PHF14: variants seen among roughly 807,000 people sequenced by gnomAD.
PHF14 encodes the protein PHD finger protein 14.
PHF14 carries 55 observed loss-of-function variants against 117.9 expected under a neutral mutation model. The ratio of observed to expected loss-of-function variants is 0.47; its 90% CI spans 0.38 to 0.58. The LOEUF (loss-of-function observed/expected upper bound fraction) is 0.58. Among genes scored for constraint, PHF14 ranks in the 20% least tolerant of loss-of-function variants. The probability of loss-of-function intolerance (pLI) is 0.00; values close to 1 mark genes in which losing one functional copy is unlikely to be tolerated. For missense variants in PHF14, 978 were observed against 1,122.2 expected (o/e 0.87, Z 1.84); for synonymous variants, 409 against 368.6 (o/e 1.11, Z -1.26).
chr7:10,975,310 GTTC>G (rs1300151752), intron 2 of PHF14, among the ~76,000 whole-genome samples: 1 of 152,162 alleles, frequency 6.6e-6, no homozygotes, highest in African/African-American at 2.4e-5. Flanking sequence ...CCTGAGCAGG[GTTC>G]TTCTTTTTTC....
intron 16 of PHF14, chr7:11,103,411 C>G (rs1027887104): frequency 2.4e-5 from 24 of 981,190 alleles, no homozygotes; most frequent in Non-Finnish European, 2.9e-5. Flanking sequence ...ATACAACCTA[C>G]CAGCTGAAAG....
rs191891087 is a variant in PHF14, at chr7:11,001,878, C to A, written c.1045+11031C>A. 2.6e-5 allele frequency among the ~76,000 whole-genome samples: 4 copies of A among 152,134 alleles called. No individual in the cohort carries two copies. In the East Asian group the frequency reaches 7.7e-4, roughly 29 times the overall value. ...TTGTTTCCCTTTCTTGTCTTATTACCTGATGTTGAAAGCAGTACTGACAGA... is the reference window on the plus strand; with the variant it reads ...TTGTTTCCCTTTCTTGTCTTATTACATGATGTTGAAAGCAGTACTGACAGA... On this transcript the variant is annotated intron_variant, in intron 4 of 17. Coordinates refer to ENST00000634607, the MANE Select transcript of PHF14 (RefSeq NM_001007157.2).
chr7:11,003,454 GAAAA>G (rs1583351372), intron 4 of PHF14, among the ~76,000 whole-genome samples: 1 of 151,990 alleles, frequency 6.6e-6, no homozygotes, highest in Admixed American at 6.6e-5. Context: ...TTGGAGATTT[GAAAA>G]ATCTTACTTT....
chr7:11,157,517 A>G (rs369384008), intron 17 of PHF14, among the ~76,000 whole-genome samples: 4 of 152,116 alleles, frequency 2.6e-5, no homozygotes, highest in African/African-American at 4.8e-5. Context: ...CTTTTTCCCT[A>G]TATAGTAGAC....
intron 16 of PHF14, among the ~76,000 whole-genome samples, chr7:11,074,488 G>C (rs534697583): frequency 1.1e-4 from 16 of 152,130 alleles, no homozygotes; most frequent in Non-Finnish European, 2.1e-4. Context: ...GGGATTACAG[G>C]CATGAGCCAC....
At position 11,130,072 on chromosome 7, in the gene PHF14, C is replaced by T. The variant is rs919444880; in HGVS notation, c.2772+18605C>T. Among the ~76,000 whole-genome samples the T allele has an allele frequency of 1.3e-5, 2 of 151,802 alleles. No individual in the cohort carries two copies. Among genetic ancestry groups the T allele is most frequent in the African/African-American group, 2.4e-5 (1 of 41,382 alleles). On this transcript the variant is annotated intron_variant, in intron 17 of 17. Transcript: ENST00000634607. This position sits in a 1 kb window ranked among gnomAD's most constrained non-coding sequence, Gnocchi z 4.2. The stretch of plus-strand genomic sequence containing the variant: ...TTCTCATTCATGTAACGTATCAGTA[C>T]AGGTTGACAGAGCAGCTCTGCTCAT...
intron 16 of PHF14, among the ~76,000 whole-genome samples, chr7:11,088,687 T>G (rs780568993): frequency 2.0e-5 from 3 of 152,164 alleles, no homozygotes; most frequent in Admixed American, 6.5e-5. Context: ...GAAATGCTAA[T>G]ATAAAAAGAC....
At chr7:11,090,593 T>C (rs1786605617) in intron 16 of PHF14, among the ~76,000 whole-genome samples, 1 of 152,248 alleles carries the variant, frequency 6.6e-6, no homozygotes, top group African/African-American at 2.4e-5. Flanking sequence ...GCACGTTGAC[T>C]GAAGATTTGA....
intron 3 of PHF14, among the ~76,000 whole-genome samples, chr7:10,987,558 ATT>A (rs1396729344): frequency 6.6e-6 from 1 of 152,154 alleles, no homozygotes; most frequent in African/African-American, 2.4e-5. Flanking sequence ...TGATTGATTT[ATT>A]CATATACTGT....
intron 4 of PHF14, among the ~76,000 whole-genome samples, chr7:10,992,644 C>T (rs111890152): frequency 0.015 from 2,312 of 152,068 alleles, 47 homozygotes; most frequent in African/African-American, 0.053. Flanking sequence ...GCCTGGGCGA[C>T]AGAGGAAGAC....
chr7:11,061,980 A>G lies in PHF14; in HGVS notation c.2549A>G (p.Glu850Gly), dbSNP rs1407002246. 2 of 1,598,882 alleles carry G rather than the reference A, an allele frequency of 1.3e-6. No homozygotes were observed. Among genetic ancestry groups the G allele is most frequent in the East Asian group, 2.2e-5 (1 of 44,514 alleles). Residue 850 changes from glutamate (E) to glycine (G), a missense_variant, in exon 16 of 18, where the codon GAG becomes GGG. Physicochemically the swap from Glu to Gly is moderately conservative, Grantham distance 98. Coordinates refer to ENST00000634607, the MANE Select transcript of PHF14 (RefSeq NM_001007157.2). ...GTATGGCAGGAAAGAGTTCCTAGAG[A>G]GAGAAGACAAAGACAGTCTGTGTTG... The part of the protein sequence containing the change: ...EEKHEERVPR[E>G]RRQRQSVLQK...
rs1477015817 is a variant in PHF14 at position 10,973,972 on chromosome 7, A to G, written c.-352A>G. ...TCTGGTCTTTCGTTGCTTCTGGTCC[A>G]GGCTAATAAAGTTTTTCTTTCTTTA... On this transcript the variant is annotated 5_prime_UTR_variant, in exon 1 of 18. Transcript: ENST00000634607. 8.4e-6 allele frequency: 2 copies of G among 239,286 alleles called. No individual in the cohort carries two copies. The highest frequency in any genetic ancestry group is 1.7e-5 in the Non-Finnish European group (2 of 120,164). The allele number at this position is 239,286 out of a possible 1,614,324, so 14.8% of individuals were successfully genotyped here. A position where few individuals can be genotyped will look rare whatever the true frequency, so the allele number is the denominator to read the frequency against.
At chr7:11,024,389 T>A (rs1003387658) in intron 6 of PHF14, among the ~76,000 whole-genome samples, 8 of 152,182 alleles carry the variant, frequency 5.3e-5, no homozygotes, top group Non-Finnish European at 1.0e-4. Flanking sequence ...ATGATGAAGA[T>A]TTGTACATTC....
At chr7:11,047,285 G>A (rs1583409061) in intron 13 of PHF14, among the ~76,000 whole-genome samples, 2 of 151,856 alleles carry the variant, frequency 1.3e-5, no homozygotes, top group African/African-American at 2.4e-5. Flanking sequence ...AGCCAGAATG[G>A]TCTCGATCTC....
At chr7:11,074,380 T>A (rs923415343) in intron 16 of PHF14, among the ~76,000 whole-genome samples, 21 of 151,970 alleles carry the variant, frequency 1.4e-4, no homozygotes, top group African/African-American at 4.6e-4. Flanking sequence ...CCAGCTAATT[T>A]TTTGTATTTT....
At chr7:11,004,246 CAAAAAAAAAAAAAA>C (rs55917513) in intron 4 of PHF14, among the ~76,000 whole-genome samples, 2 of 51,264 alleles carry the variant, frequency 3.9e-5, no homozygotes, top group African/African-American at 7.2e-5. Context: ...GACTTTGTCT[CAAAAAAAAAAAAAA>C]AAAAAAAAAG....
intron 16 of PHF14, among the ~76,000 whole-genome samples, chr7:11,071,909 T>C (rs1020592937): frequency 6.6e-6 from 1 of 152,218 alleles, no homozygotes; most frequent in Non-Finnish European, 1.5e-5. Flanking sequence ...ATTAAAAAAG[T>C]AAGCCTGCTA....
At chr7:11,006,868 C>G (rs1583356566) in intron 4 of PHF14, 2 of 606,992 alleles carry the variant, frequency 3.3e-6, no homozygotes, top group Non-Finnish European at 6.1e-6. Flanking sequence ...TCGGCACTGT[C>G]TTGTGAAAAG....
At chr7:11,156,896 T>G (rs2128355727) in intron 17 of PHF14, among the ~76,000 whole-genome samples, 1 of 152,320 alleles carries the variant, frequency 6.6e-6, no homozygotes, top group East Asian at 1.9e-4. Flanking sequence ...GCAGTATAAG[T>G]TACATTGAGC....
Sources: gnomAD v4.1 joint callset for allele counts (sites outside exome capture counted in the v4.1 genomes callset) on GRCh38, gnomAD v4.1.1 for gene constraint, Gnocchi (gnomAD v3.1) non-coding constraint, MANE v1.5 for transcripts, NCBI Gene and HGNC (gene_info 2026-07-23, HGNC 2026-07-21) for gene names.